Variants in INSC observed in about 807,000 individuals in gnomAD.
INSC encodes protein inscuteable homolog.
A neutral mutation model predicts 58.6 loss-of-function variants in INSC; 67 were observed. That is an observed-to-expected ratio of 1.14 (90% CI 0.94 to 1.40). The LOEUF is 1.40. Ranked by LOEUF, INSC falls within the 40% of genes most tolerant of loss-of-function variation. The probability of loss-of-function intolerance (pLI) is 0.00; values close to 1 mark genes in which losing one functional copy is unlikely to be tolerated. For missense variants in INSC, 714 were observed against 692.0 expected, an observed-to-expected ratio of 1.03 and a Z score of -0.36; for synonymous variants, 262 against 276.1, an observed-to-expected ratio of 0.95 and a Z score of 0.51.
chr11:15,143,962 A>G (rs1450923228), intron 1 of INSC, among the ~76,000 whole-genome samples: 3 of 152,198 alleles, frequency 2.0e-5, no homozygotes, highest in Non-Finnish European at 4.4e-5. Context: ...TGCAGGTACC[A>G]CAAGGCCTCA....
intron 1 of INSC, among the ~76,000 whole-genome samples, chr11:15,115,745 C>A (rs915787639): frequency 1.3e-5 from 2 of 152,206 alleles, no homozygotes; most frequent in African/African-American, 2.4e-5. Flanking sequence ...TACACACATT[C>A]CTGTCCATGT....
At chr11:15,123,475 AT>A (rs1320334678) in intron 1 of INSC, among the ~76,000 whole-genome samples, 1 of 152,238 alleles carries the variant, frequency 6.6e-6, no homozygotes, top group Non-Finnish European at 1.5e-5. Flanking sequence ...TGATGGAACC[AT>A]TCAGTGGAAT....
At chr11:15,135,167 A>C (rs556285563) in intron 1 of INSC, among the ~76,000 whole-genome samples, 1 of 152,228 alleles carries the variant, frequency 6.6e-6, no homozygotes, top group Admixed American at 6.5e-5. Context: ...CAATGCATAG[A>C]ATTGTGGAAG....
At chr11:15,217,889 T>C (rs1851280493) in intron 7 of INSC, among the ~76,000 whole-genome samples, 1 of 152,204 alleles carries the variant, frequency 6.6e-6, no homozygotes, top group Non-Finnish European at 1.5e-5. Context: ...CAATAGCAAG[T>C]ATTGGCAAGA....
chr11:15,247,751 A>G (rs893711963), downstream of INSC, among the ~76,000 whole-genome samples: 1 of 149,350 alleles, frequency 6.7e-6, no homozygotes, highest in African/African-American at 2.5e-5. Flanking sequence ...ATATATATAT[A>G]TATATTTCAC....
chr11:15,177,235 TC>T, intron 4 of INSC, 72 bp downstream of exon 4: 1 of 1,182,652 alleles, frequency 8.5e-7, no homozygotes, highest in Non-Finnish European at 1.3e-6. Context: ...TGGTATCTTC[TC>T]CCAGAGGGAG....
chr11:15,166,217 A>T (rs1849191369), intron 2 of INSC, among the ~76,000 whole-genome samples: 1 of 152,048 alleles, frequency 6.6e-6, no homozygotes, highest in Non-Finnish European at 1.5e-5. Context: ...TATACCCACA[A>T]CTCACCAGAG....
chr11:15,256,288 T>C, the INSC span, among the ~76,000 whole-genome samples: 1 of 152,238 alleles, frequency 6.6e-6, no homozygotes, highest in Non-Finnish European at 1.5e-5. Context: ...CAATGGTTTT[T>C]GAAAAATTTA....
intron 2 of INSC, among the ~76,000 whole-genome samples, chr11:15,162,552 C>T (rs1026099788): frequency 1.3e-5 from 2 of 152,210 alleles, no homozygotes; most frequent in African/African-American, 4.8e-5. Flanking sequence ...CTGCTTTTAA[C>T]ATACTGTATT....
At chr11:15,190,471 A>G (rs1468471834) in intron 5 of INSC, among the ~76,000 whole-genome samples, 1 of 152,234 alleles carries the variant, frequency 6.6e-6, no homozygotes, top group African/African-American at 2.4e-5. Context: ...TGGCCTATGT[A>G]TCAAGGGTTT....
At chr11:15,201,243 CAGGCAAGTCAGG>C (rs560532327) in intron 7 of INSC, among the ~76,000 whole-genome samples, 205 of 152,214 alleles carry the variant, frequency 1.3e-3, no homozygotes, top group African/African-American at 4.5e-3. Context: ...TGGTAGGAGG[CAGGCAAGTCAGG>C]TGTTGGTGCT....
At chr11:15,143,375 AC>A (rs879324561) in intron 1 of INSC, among the ~76,000 whole-genome samples, 2 of 152,054 alleles carry the variant, frequency 1.3e-5, no homozygotes, top group Non-Finnish European at 2.9e-5. Context: ...GTGAGAGGAG[AC>A]AGAGGAGAGG....
intron 12 of INSC, chr11:15,241,694 G>A: frequency 1.4e-6 from 1 of 697,308 alleles, no homozygotes. Context: ...AGCTTACGGA[G>A]CCCTTCTCAG....
intron 3 of INSC, 63 bp downstream of exon 3, chr11:15,176,149 G>T: frequency 7.5e-7 from 1 of 1,328,758 alleles, no homozygotes. Context: ...GAGAAGAGTG[G>T]GTTTGAATCA....
intron 2 of INSC, among the ~76,000 whole-genome samples, chr11:15,170,935 A>G (rs1362658581): frequency 1.3e-5 from 2 of 152,212 alleles, no homozygotes; most frequent in Non-Finnish European, 2.9e-5. Context: ...TGTCACTCCA[A>G]TTCTCCTACT....
At chr11:15,215,458 C>T (rs1036732744) in intron 7 of INSC, among the ~76,000 whole-genome samples, 5 of 152,228 alleles carry the variant, frequency 3.3e-5, no homozygotes, top group Non-Finnish European at 7.3e-5. Flanking sequence ...TCACCTGGCC[C>T]TTTCACCAGC....
intron 9 of INSC, among the ~76,000 whole-genome samples, chr11:15,235,386 T>C (rs1324929825): frequency 2.6e-5 from 4 of 152,118 alleles, no homozygotes; most frequent in African/African-American, 9.7e-5. Context: ...CCTATAGCCA[T>C]AGGCTGATAA....
chr11:15,251,907 A>C (rs1852654651), downstream of INSC, among the ~76,000 whole-genome samples: 1 of 152,204 alleles, frequency 6.6e-6, no homozygotes, highest in Admixed American at 6.5e-5. Context: ...ATGAAAATGT[A>C]TGTTCACACA....
intron 7 of INSC, among the ~76,000 whole-genome samples, chr11:15,207,417 G>C (rs752729847): frequency 2.6e-5 from 4 of 152,176 alleles, no homozygotes; most frequent in African/African-American, 9.7e-5. Context: ...CGGGGAGGAC[G>C]GCTCAATTTC....
Sources: gnomAD v4.1 joint callset for allele counts (sites outside exome capture counted in the v4.1 genomes callset) on GRCh38, gnomAD v4.1.1 for gene constraint, MANE v1.5 for transcripts, NCBI Gene and HGNC (gene_info 2026-07-23, HGNC 2026-07-21) for gene names.